ASB4: variants seen among roughly 807,000 people sequenced by gnomAD.
ASB4 encodes the protein ankyrin repeat and SOCS box containing 4, also known as ankyrin repeat and SOCS box protein 4.
Under a neutral mutation model 38.6 loss-of-function variants are expected in ASB4, and 35 were observed. The ratio of observed to expected loss-of-function variants is 0.91; its 90% CI spans 0.69 to 1.20. The LOEUF (loss-of-function observed/expected upper bound fraction) is 1.20, where lower values mean the gene tolerates loss of function less well. Among genes scored for constraint, ASB4 ranks in the 50% most tolerant of loss-of-function variants. ASB4 has a pLI of 0.00. For synonymous variants in ASB4, 195 were observed against 201.3 expected (o/e 0.97, Z 0.26); for missense variants, 557 against 527.2 (o/e 1.06, Z -0.55).
chr7:95,477,257 G>A (rs1009979717), upstream of ASB4, among the ~76,000 whole-genome samples: 4 of 152,126 alleles, frequency 2.6e-5, no homozygotes, highest in African/African-American at 4.8e-5. Flanking sequence ...AAAAACGTTT[G>A]TGGCTTTAAA....
the ASB4 span, among the ~76,000 whole-genome samples, chr7:95,549,126 C>G: frequency 6.6e-6 from 1 of 151,904 alleles, no homozygotes; most frequent in Non-Finnish European, 1.5e-5. Flanking sequence ...ATGGGGATGT[C>G]CAGTAAATCC....
intron 2 of ASB4, among the ~76,000 whole-genome samples, chr7:95,505,673 T>A (rs528859810): frequency 2.3e-4 from 34 of 147,644 alleles, no homozygotes; most frequent in Middle Eastern, 7.0e-3. Context: ...TGGCTCCTTT[T>A]CCTCTATCCG....
chr7:95,488,479 G>T (rs1790124735), intron 1 of ASB4, among the ~76,000 whole-genome samples: 1 of 152,348 alleles, frequency 6.6e-6, no homozygotes, highest in East Asian at 1.9e-4. Flanking sequence ...GATCTAAGTG[G>T]TTATATCAAT....
chr7:95,497,158 G>A (rs1230312976), intron 2 of ASB4, among the ~76,000 whole-genome samples: 1 of 151,928 alleles, frequency 6.6e-6, no homozygotes. Context: ...CCACAAAAAA[G>A]TTTTCAGTAA....
At chr7:95,474,887 T>C (rs10229266), upstream of ASB4, among the ~76,000 whole-genome samples, 1,337 of 152,234 alleles carry the variant, frequency 8.8e-3, 24 homozygotes, top group African/African-American at 0.031. Flanking sequence ...TTACCCCAAA[T>C]AGGCATGTAG....
intron 2 of ASB4, among the ~76,000 whole-genome samples, chr7:95,524,577 C>T (rs1032879217): frequency 6.6e-6 from 1 of 152,108 alleles, no homozygotes; most frequent in African/African-American, 2.4e-5. Context: ...CGCCACCCCC[C>T]AAAACACACA....
chr7:95,542,598 T>C (rs1367185039), downstream of ASB4: 3 of 152,072 alleles, frequency 2.0e-5, no homozygotes. Context: ...GCCTGGCTAA[T>C]TTTTGTATTT....
downstream of ASB4, chr7:95,540,273 C>T (rs906690858): frequency 3.9e-5 from 6 of 152,040 alleles, no homozygotes; most frequent in Non-Finnish European, 7.4e-5. Context: ...TTTTCCTAAC[C>T]CCGCTTTGAC....
chr7:95,515,312 T>C (rs182907832), intron 2 of ASB4, among the ~76,000 whole-genome samples: 6,979 of 100,340 alleles, frequency 0.07, 296 homozygotes, highest in South Asian at 0.15. Context: ...TTTCTTTCTT[T>C]CTTTCTTCCT....
chr7:95,549,357 T>C, the ASB4 span, among the ~76,000 whole-genome samples: 1 of 141,930 alleles, frequency 7.0e-6, no homozygotes, highest in African/African-American at 2.7e-5. Flanking sequence ...AGTGCAGTGG[T>C]GCGATCTCCA....
intron 2 of ASB4, among the ~76,000 whole-genome samples, chr7:95,500,741 G>A (rs1790324519): frequency 6.6e-6 from 1 of 152,024 alleles, no homozygotes; most frequent in East Asian, 1.9e-4. Flanking sequence ...CTGAAAGACT[G>A]GAACCTTTCA....
intron 1 of ASB4, among the ~76,000 whole-genome samples, chr7:95,486,458 A>G (rs1241434348): frequency 6.6e-6 from 1 of 152,232 alleles, no homozygotes; most frequent in Admixed American, 6.5e-5. Context: ...CTATGATGAT[A>G]TAGAAGGAAG....
At chr7:95,493,417 T>A (rs1411580310) in intron 1 of ASB4, among the ~76,000 whole-genome samples, 2 of 149,304 alleles carry the variant, frequency 1.3e-5, no homozygotes, top group African/African-American at 5.0e-5. Flanking sequence ...TATAGCTAGG[T>A]TGGAGGATAC....
chr7:95,531,916 T>G (rs1210318630), intron 3 of ASB4, among the ~76,000 whole-genome samples: 1 of 152,206 alleles, frequency 6.6e-6, no homozygotes, highest in Admixed American at 6.5e-5. Flanking sequence ...CTTATTCAGT[T>G]GTTTTGCTCC....
intron 2 of ASB4, among the ~76,000 whole-genome samples, chr7:95,526,318 T>C (rs1372711958): frequency 6.6e-6 from 1 of 152,148 alleles, no homozygotes; most frequent in Non-Finnish European, 1.5e-5. Flanking sequence ...AATGACCTTG[T>C]TCTGTGCGCA....
intron 2 of ASB4, among the ~76,000 whole-genome samples, chr7:95,513,253 GTTTTTTTT>G (rs536945120): frequency 1.3e-5 from 1 of 77,024 alleles, no homozygotes; most frequent in African/African-American, 5.5e-5. Flanking sequence ...TTTTTTGTTT[GTTTTTTTT>G]TTTTTTTTTT....
chr7:95,515,157 CTT>C (rs765977714), intron 2 of ASB4, among the ~76,000 whole-genome samples: 16,750 of 130,104 alleles, frequency 0.13, 1,359 homozygotes, highest in African/African-American at 0.19. Context: ...TTCTTTCTTT[CTT>C]TCTCTTTCTC....
intron 2 of ASB4, among the ~76,000 whole-genome samples, chr7:95,508,060 TA>T (rs1478702970): frequency 1.3e-5 from 2 of 151,948 alleles, no homozygotes; most frequent in Non-Finnish European, 1.5e-5. Context: ...GGTTTGAACT[TA>T]TTTTTTTTTT....
At chr7:95,488,220 A>G (rs772896615) in intron 1 of ASB4, among the ~76,000 whole-genome samples, 1 of 152,206 alleles carries the variant, frequency 6.6e-6, no homozygotes, top group Non-Finnish European at 1.5e-5. Context: ...GGCCGCCTGT[A>G]GTCCCAGCTA....
Sources: allele counts gnomAD v4.1 joint callset (sites outside exome capture counted in the v4.1 genomes callset), GRCh38; gene constraint gnomAD v4.1.1; transcripts MANE v1.5; gene names NCBI Gene and HGNC (gene_info 2026-07-23, HGNC 2026-07-21).